ASH1L: variants seen among roughly 807,000 people sequenced by gnomAD.
ASH1L encodes histone-lysine N-methyltransferase ASH1L.
ASH1L carries 23 observed loss-of-function variants against 269.0 expected under a neutral mutation model. The observed-to-expected ratio is 0.09, with a 90% CI of 0.06 to 0.12. The LOEUF is 0.12. ASH1L is among the 10% of genes least tolerant of loss of function. The probability of loss-of-function intolerance (pLI) is 1.00; values close to 1 mark genes in which losing one functional copy is unlikely to be tolerated. For synonymous variants in ASH1L, 1,187 were observed against 1,253.5 expected (o/e 0.95, Z 1.12); for missense variants, 2,912 against 3,567.8 (o/e 0.82, Z 4.68).
At chr1:155,512,031 C>T (rs1422382485) in intron 2 of ASH1L, among the ~76,000 whole-genome samples, 1 of 151,938 alleles carries the variant, frequency 6.6e-6, no homozygotes. Context: ...AGGCTGGTCT[C>T]GAACTCCCGA....
At chr1:155,342,151 C>CG (rs1233057062) in intron 24 of ASH1L, 49 bp from the exon 25 acceptor site, 3 of 1,590,430 alleles carry the variant, frequency 1.9e-6, no homozygotes, top group Admixed American at 1.7e-5. Flanking sequence ...ATTTCTCCCC[C>CG]TGAGCTGCCC....
chr1:155,422,395 G>A lies in ASH1L; in HGVS notation c.5829-6472C>T, dbSNP rs143622808. Reference sequence around the variant, plus strand: ...ATGATCTCGCCTCACTGCAACCTCCGGGCCACCAGGGTCTGCTAATTTTTG... The same window carrying A: ...ATGATCTCGCCTCACTGCAACCTCCAGGCCACCAGGGTCTGCTAATTTTTG... On this transcript the variant is annotated intron_variant, in intron 5 of 27. Coordinates refer to ENST00000392403, the MANE Select transcript of ASH1L (RefSeq NM_018489.3). Among the ~76,000 whole-genome samples the A allele has an allele frequency of 3.8e-3, 559 of 146,380 alleles. 5 individuals are homozygous for A. Among genetic ancestry groups the A allele is most frequent in the African/African-American group, 0.014 (535 of 39,118 alleles).
chr1:155,349,538 C>T lies in ASH1L; in HGVS notation c.7421+4G>A, dbSNP rs377375036. The T allele has an allele frequency of 8.4e-5, 136 of 1,613,862 alleles. No individual in the cohort carries two copies. The highest frequency in any genetic ancestry group is 1.1e-4 in the Non-Finnish European group (125 of 1,179,984). On this transcript the variant is annotated splice_donor_region_variant and intron_variant, in intron 18 of 27. Coordinates refer to ENST00000392403, the MANE Select transcript of ASH1L (RefSeq NM_018489.3). ...TCAGATGATTCCCACAAATGTGAAC[C>T]TACTTTTTCTTTGGGGGAAGGTTCA...
At chr1:155,496,423 T>C (rs969785047) in intron 2 of ASH1L, among the ~76,000 whole-genome samples, 4 of 152,158 alleles carry the variant, frequency 2.6e-5, no homozygotes, top group Non-Finnish European at 2.9e-5. Context: ...TCAAAGTAAA[T>C]GTAGCCATAA....
intron 8 of ASH1L, among the ~76,000 whole-genome samples, chr1:155,379,586 A>C (rs1431498955): frequency 6.6e-6 from 1 of 152,218 alleles, no homozygotes; most frequent in East Asian, 1.9e-4. Flanking sequence ...AAGATTTTTT[A>C]AAAGTGCAAG....
chr1:155,555,369 C>T (rs1039631195), intron 1 of ASH1L, among the ~76,000 whole-genome samples: 1 of 151,422 alleles, frequency 6.6e-6, no homozygotes, highest in Non-Finnish European at 1.5e-5. Context: ...TGGTGGCTCG[C>T]ACCTGTAGTC....
intron 1 of ASH1L, among the ~76,000 whole-genome samples, chr1:155,553,706 T>C (rs1241762449): frequency 6.6e-6 from 1 of 152,212 alleles, no homozygotes; most frequent in Non-Finnish European, 1.5e-5. Flanking sequence ...GACAAAAACA[T>C]TACATAGTAT....
Position 155,562,690 on chromosome 1 carries a change from C to G in ASH1L, c.-637G>C, listed in dbSNP as rs1558230360. 6.6e-7 allele frequency: 1 copy of G among 1,511,360 alleles called. No homozygotes were observed. 93.6% of individuals were successfully genotyped at this position (1,511,360 alleles called of 1,614,324 possible). A position where few individuals can be genotyped will look rare whatever the true frequency, so the allele number is the denominator to read the frequency against. Reference sequence around the variant, plus strand: ...CGCCCCGCGCGCCAGCCAGCCCGTACGCGCTCACCCACAGGAACCCCCTCG... The same window carrying G: ...CGCCCCGCGCGCCAGCCAGCCCGTAGGCGCTCACCCACAGGAACCCCCTCG... On this transcript the variant is annotated 5_prime_UTR_variant, in exon 1 of 28. Transcript: ENST00000392403.
At chr1:155,375,888 T>A (rs976498498) in intron 10 of ASH1L, among the ~76,000 whole-genome samples, 2 of 151,880 alleles carry the variant, frequency 1.3e-5, no homozygotes, top group Admixed American at 6.6e-5. Flanking sequence ...GATTTAAGGG[T>A]TCAGGACCGG....
At chr1:155,562,898 GC>G (rs539224642), upstream of ASH1L, 9 of 406,426 alleles carry the variant, frequency 2.2e-5, no homozygotes, top group Non-Finnish European at 3.9e-5. Flanking sequence ...GCCGCCGCCA[GC>G]CCCCCCTACC....
intron 12 of ASH1L, among the ~76,000 whole-genome samples, chr1:155,366,760 G>A (rs1655456098): frequency 6.6e-6 from 1 of 152,020 alleles, no homozygotes; most frequent in African/African-American, 2.4e-5. Context: ...TGCAAACTCT[G>A]CCTCCGGAGT....
chr1:155,442,161 T>C (rs1662635204), intron 4 of ASH1L, among the ~76,000 whole-genome samples: 1 of 152,174 alleles, frequency 6.6e-6, no homozygotes, highest in South Asian at 2.1e-4. Context: ...TAACTGATTA[T>C]TACTGTTTCA....
At chr1:155,404,676 A>G (rs905527270) in intron 6 of ASH1L, among the ~76,000 whole-genome samples, 14 of 151,748 alleles carry the variant, frequency 9.2e-5, no homozygotes, top group Non-Finnish European at 1.8e-4. Context: ...AACTGGTGGG[A>G]AAAAAAAATC....
intron 6 of ASH1L, among the ~76,000 whole-genome samples, chr1:155,401,729 A>G (rs116178870): frequency 1.3e-3 from 201 of 152,296 alleles, no homozygotes; most frequent in African/African-American, 4.7e-3. Flanking sequence ...TGGAGGTTAC[A>G]GAAAGCCAAG....
intron 3 of ASH1L, among the ~76,000 whole-genome samples, chr1:155,465,289 CA>C (rs1171228344): frequency 0.31 from 19,609 of 62,618 alleles, 1,302 homozygotes; most frequent in East Asian, 0.55. Flanking sequence ...TACAAATTAG[CA>C]AAAAAAAAAA....
At position 155,481,978 on chromosome 1, in the gene ASH1L, C is replaced by T. The variant is rs1213775168; in HGVS notation, c.892G>A (p.Gly298Arg). The T allele has an allele frequency of 1.2e-6, 2 of 1,613,930 alleles. No individual in the cohort carries two copies. The highest frequency in any genetic ancestry group is 1.7e-6 in the Non-Finnish European group (2 of 1,180,028). The change falls in exon 3 of 28, where the codon GGA becomes AGA. Residue 298 changes from glycine to arginine, a missense_variant. Physicochemically the swap from Gly to Arg is moderately radical, Grantham distance 125. Coordinates refer to ENST00000392403, the MANE Select transcript of ASH1L (RefSeq NM_018489.3). ...GKKPVFNAAV[G>R]LVNKDSVKKL... ...TTCACAGAGTCCTTATTGACCAATC[C>T]TACTGCTGCATTAAACACTGGCTTT...
chr1:155,512,597 G>A (rs1444854219), intron 2 of ASH1L, among the ~76,000 whole-genome samples: 1 of 151,138 alleles, frequency 6.6e-6, no homozygotes, highest in Non-Finnish European at 1.5e-5. Context: ...GGGTATAGGT[G>A]CTCACCACCA....
chr1:155,517,862 G>T (rs60414176), intron 2 of ASH1L, among the ~76,000 whole-genome samples: 1 of 138,280 alleles, frequency 7.2e-6, no homozygotes, highest in Non-Finnish European at 1.5e-5. Context: ...GTGCAGTGGC[G>T]GGATCTCGGC....
At chr1:155,439,124 A>G (rs1478432866) in intron 4 of ASH1L, 56 bp from the exon 5 acceptor site, 9 of 1,517,634 alleles carry the variant, frequency 5.9e-6, no homozygotes, top group Non-Finnish European at 8.0e-6. Context: ...AGTTATTTAA[A>G]TAAGTTTTTA....
Sources: gnomAD v4.1 joint callset for allele counts (sites outside exome capture counted in the v4.1 genomes callset) on GRCh38, gnomAD v4.1.1 for gene constraint, MANE v1.5 for transcripts, NCBI Gene and HGNC (gene_info 2026-07-23, HGNC 2026-07-21) for gene names.